Variants in UNC13C observed in about 807,000 individuals in gnomAD.
UNC13C encodes the protein protein unc-13 homolog C.
In UNC13C, 174 loss-of-function variants were observed where a neutral mutation model predicts 245.4. The ratio of observed to expected loss-of-function variants is 0.71; its 90% CI spans 0.63 to 0.80. UNC13C has a LOEUF of 0.80. Among genes scored for constraint, UNC13C ranks in the 30% least tolerant of loss-of-function variants. The pLI is 0.00. For missense variants in UNC13C, 2,829 were observed against 2,602.9 expected, an observed-to-expected ratio of 1.09 and a Z score of -1.89; for synonymous variants, 992 against 895.1, an observed-to-expected ratio of 1.11 and a Z score of -1.93.
chr15:54,094,535 A>G (rs921349312), intron 2 of UNC13C, among the ~76,000 whole-genome samples: 2 of 152,204 alleles, frequency 1.3e-5, no homozygotes, highest in East Asian at 1.9e-4. Context: ...AAAGTGTAGA[A>G]CTTTAAAACA....
intron 13 of UNC13C, among the ~76,000 whole-genome samples, chr15:54,311,480 G>A (rs1439625560): frequency 1.3e-5 from 2 of 151,456 alleles, no homozygotes; most frequent in Admixed American, 6.6e-5. Flanking sequence ...TATTGAAACT[G>A]GTAATAAAAT....
At chr15:54,082,193 C>G (rs1474463922) in intron 2 of UNC13C, among the ~76,000 whole-genome samples, 1 of 151,994 alleles carries the variant, frequency 6.6e-6, no homozygotes, top group South Asian at 2.1e-4. Flanking sequence ...TACTCTATGC[C>G]TTCAAGTTGT....
At chr15:53,845,744 T>C in the UNC13C span, among the ~76,000 whole-genome samples, 7 of 152,288 alleles carry the variant, frequency 4.6e-5, no homozygotes, top group South Asian at 1.5e-3. Flanking sequence ...TGAATGAATC[T>C]TTTTATTTCC....
At chr15:54,178,053 A>G (rs1343270814) in intron 4 of UNC13C, among the ~76,000 whole-genome samples, 1 of 152,040 alleles carries the variant, frequency 6.6e-6, no homozygotes, top group African/African-American at 2.4e-5. Context: ...ACTTTCCTCT[A>G]TCTTTCCCTT....
chr15:54,252,333 T>G (rs2036173274), intron 8 of UNC13C, among the ~76,000 whole-genome samples: 1 of 152,168 alleles, frequency 6.6e-6, no homozygotes, highest in Non-Finnish European at 1.5e-5. Context: ...AAAACAACAT[T>G]TATTATTTTA....
chr15:54,445,948 C>G (rs1355520755), intron 19 of UNC13C, among the ~76,000 whole-genome samples: 1 of 152,112 alleles, frequency 6.6e-6, no homozygotes, highest in Non-Finnish European at 1.5e-5. Flanking sequence ...AGTCTTTAAT[C>G]CATCTTGAAT....
chr15:54,320,160 AG>A (rs1337685977), intron 13 of UNC13C, among the ~76,000 whole-genome samples: 1 of 151,978 alleles, frequency 6.6e-6, no homozygotes, highest in Non-Finnish European at 1.5e-5. Flanking sequence ...TATTGAGAGG[AG>A]GGTGTCTTGC....
At chr15:54,315,382 C>G (rs2037982019) in intron 13 of UNC13C, among the ~76,000 whole-genome samples, 1 of 151,390 alleles carries the variant, frequency 6.6e-6, no homozygotes, top group Admixed American at 6.6e-5. Context: ...TTATAAGACT[C>G]TTACTGCACT....
chr15:54,069,973 G>A (rs953031455), intron 2 of UNC13C, among the ~76,000 whole-genome samples: 3 of 152,208 alleles, frequency 2.0e-5, no homozygotes, highest in African/African-American at 7.2e-5. Flanking sequence ...CACAGAATAA[G>A]TTGAGTATTG....
At chr15:54,046,246 G>A (rs533606010) in intron 2 of UNC13C, among the ~76,000 whole-genome samples, 59 of 152,180 alleles carry the variant, frequency 3.9e-4, no homozygotes, top group African/African-American at 1.3e-3. Context: ...TCTATGAGGC[G>A]TGTCATCAGA....
At chr15:54,563,061 C>T (rs891598119) in intron 29 of UNC13C, among the ~76,000 whole-genome samples, 2 of 151,984 alleles carry the variant, frequency 1.3e-5, no homozygotes, top group Non-Finnish European at 2.9e-5. Context: ...AGCCACATCA[C>T]CCCTATTCTG....
At chr15:54,277,617 G>A (rs1377350001) in intron 10 of UNC13C, among the ~76,000 whole-genome samples, 3 of 152,078 alleles carry the variant, frequency 2.0e-5, no homozygotes, top group South Asian at 2.1e-4. Flanking sequence ...TCAAAAAGGA[G>A]ACATTAACTT....
intron 17 of UNC13C, among the ~76,000 whole-genome samples, chr15:54,388,535 G>A (rs2039885400): frequency 6.6e-6 from 1 of 152,066 alleles, no homozygotes; most frequent in Non-Finnish European, 1.5e-5. Flanking sequence ...GAAATTCCTA[G>A]CTAATTTTTC....
At chr15:54,599,517 C>A (rs77849743) in intron 30 of UNC13C, among the ~76,000 whole-genome samples, 49 of 151,988 alleles carry the variant, frequency 3.2e-4, no homozygotes, top group African/African-American at 1.0e-3. Context: ...TCTTTCACTC[C>A]AGTAAGACTA....
chr15:54,438,484 G>A (rs1353774929), intron 19 of UNC13C, among the ~76,000 whole-genome samples: 1 of 151,916 alleles, frequency 6.6e-6, no homozygotes, highest in Non-Finnish European at 1.5e-5. Flanking sequence ...TGACCACTCT[G>A]CTCTAGTCAA....
At chr15:54,512,393 C>T (rs533252495) in intron 24 of UNC13C, 324 of 455,850 alleles carry the variant, frequency 7.1e-4, no homozygotes, top group Non-Finnish European at 1.2e-3. Context: ...TGATAGTAAG[C>T]ATCTTATCCC....
chr15:54,274,797 G>A (rs547219807), intron 10 of UNC13C, among the ~76,000 whole-genome samples: 45 of 147,946 alleles, frequency 3.0e-4, no homozygotes, highest in African/African-American at 1.0e-3. Context: ...TCAGCCTCCC[G>A]AGTAGCTGGG....
At chr15:54,050,593 C>G (rs1298364216) in intron 2 of UNC13C, 4 of 426,432 alleles carry the variant, frequency 9.4e-6, no homozygotes, top group Non-Finnish European at 1.9e-5. Context: ...TCCACTCTTT[C>G]TAACTTGGAA....
chr15:54,290,814 C>T (rs947925882), intron 10 of UNC13C, among the ~76,000 whole-genome samples: 1 of 151,988 alleles, frequency 6.6e-6, no homozygotes. Context: ...GTTTACCAAT[C>T]TTTATTATCT....
Sources: gnomAD v4.1 joint callset for allele counts (sites outside exome capture counted in the v4.1 genomes callset) on GRCh38, gnomAD v4.1.1 for gene constraint, MANE v1.5 for transcripts, NCBI Gene and HGNC (gene_info 2026-07-23, HGNC 2026-07-21) for gene names.